Variants in BTD observed in about 807,000 individuals in gnomAD.
BTD encodes biotinidase.
Under a neutral mutation model 17.7 loss-of-function variants are expected in BTD, and 13 were observed. That is an observed-to-expected ratio of 0.74 (90% CI 0.48 to 1.17). BTD has a LOEUF of 1.17. Ranked by LOEUF, BTD falls within the 50% of genes most tolerant of loss-of-function variation. The pLI, the probability that BTD is intolerant of heterozygous loss-of-function variation, is 0.00. For synonymous variants in BTD, 240 were observed against 245.2 expected, an observed-to-expected ratio of 0.98 and a Z score of 0.20; for missense variants, 674 against 650.4, an observed-to-expected ratio of 1.04 and a Z score of -0.39.
exon 4 of BTD, chr3:15,711,184 A>T: frequency 6.3e-7 from 1 of 1,581,310 alleles, no homozygotes; most frequent in Non-Finnish European, 8.6e-7. Context: ...ATCTTTTCTT[A>T]AAGAAATAAA....
intron 3 of BTD, chr3:15,675,751 C>T: frequency 3.3e-6 from 2 of 597,126 alleles, no homozygotes; most frequent in Non-Finnish European, 5.4e-6. Flanking sequence ...TTCTTTTGCC[C>T]TTATTCCTTT....
chr3:15,644,209 C>G (rs2065622841), intron 3 of BTD, 107 bp from the exon 4 acceptor site: 3 of 1,158,736 alleles, frequency 2.6e-6, no homozygotes, highest in African/African-American at 1.5e-5. Flanking sequence ...ACCGTGTTAG[C>G]CAGGGTGGTC....
chr3:15,705,749 C>G (rs2071265740), intron 3 of BTD, among the ~76,000 whole-genome samples: 1 of 152,172 alleles, frequency 6.6e-6, no homozygotes, highest in Admixed American at 6.6e-5. Flanking sequence ...CTCCTGTAAT[C>G]CCAGCATTTT....
upstream of BTD, chr3:15,601,630 G>T (rs752352084): frequency 3.9e-6 from 6 of 1,556,400 alleles, no homozygotes; most frequent in African/African-American, 8.1e-5. Flanking sequence ...GTCTAAATTC[G>T]TCCACTTCCC....
rs186926635 is a variant in BTD at position 15,650,916 on chromosome 3, C to T, written c.*5428C>T. Among the ~76,000 whole-genome samples, 79 of 152,268 alleles carry T rather than the reference C, an allele frequency of 5.2e-4. 2 individuals are homozygous for T. Among genetic ancestry groups the T allele is most frequent in the Middle Eastern group, 6.8e-3 (2 of 294 alleles). ...TTCCGAGTAGCTGGGACTACAGGCA[C>T]GTGCCACCACGCCCAGCTAATTTTT... On this transcript the variant is annotated 3_prime_UTR_variant, in exon 4 of 4. Coordinates refer to ENST00000643237, the MANE Select transcript of BTD (RefSeq NM_001370658.1).
intron 3 of BTD, chr3:15,696,036 A>C (rs1435386042): frequency 3.5e-6 from 3 of 852,692 alleles, no homozygotes; most frequent in African/African-American, 1.7e-5. Flanking sequence ...TTAAAAAACA[A>C]AATGGAATTT....
At chr3:15,671,612 T>G (rs1277622344) in intron 3 of BTD, among the ~76,000 whole-genome samples, 1 of 145,198 alleles carries the variant, frequency 6.9e-6, no homozygotes, top group Non-Finnish European at 1.5e-5. Context: ...TGAGACAGAG[T>G]CTGCTCGGTC....
intron 1 of BTD, among the ~76,000 whole-genome samples, chr3:15,626,574 C>T (rs2065070147): frequency 1.3e-5 from 2 of 151,828 alleles, no homozygotes; most frequent in Admixed American, 6.6e-5. Context: ...GGCCTGGAGT[C>T]GAGACTAGCC....
At chr3:15,675,808 A>C (rs2066875377) in intron 3 of BTD, 24 of 1,125,710 alleles carry the variant, frequency 2.1e-5, no homozygotes, top group Non-Finnish European at 2.9e-5. Flanking sequence ...CTCTTTGACC[A>C]ATAAAAAATA....
chr3:15,678,227 C>T (rs1461780969), intron 3 of BTD: 1 of 1,610,202 alleles, frequency 6.2e-7, no homozygotes. Context: ...TTTGTTTGTC[C>T]ATTTTCTGCA....
At chr3:15,692,313 G>T (rs1429472238) in intron 3 of BTD, among the ~76,000 whole-genome samples, 2 of 152,152 alleles carry the variant, frequency 1.3e-5, no homozygotes, top group Non-Finnish European at 1.5e-5. Context: ...GTCGGGAATG[G>T]TGGTGTGCAC....
Position 15,653,226 on chromosome 3 carries a change from G to GT in BTD, c.*7741dup, listed in dbSNP as rs1367990269. On this transcript the variant is annotated 3_prime_UTR_variant, in exon 4 of 4. Coordinates refer to ENST00000643237, the MANE Select transcript of BTD (RefSeq NM_001370658.1). ...CTGGGAGTAGGGCCCATCAATCTGT[G>GT]TTTAACAAGTCCTCCAGGTGATTCC... Among the ~76,000 whole-genome samples, 5 of 152,236 alleles carry GT rather than the reference G, an allele frequency of 3.3e-5. No individual in the cohort carries two copies. Among genetic ancestry groups the GT allele is most frequent in the Admixed American group, 1.3e-4 (2 of 15,284 alleles).
At chr3:15,604,116 TGG>T (rs969651971) in intron 1 of BTD, among the ~76,000 whole-genome samples, 5 of 152,212 alleles carry the variant, frequency 3.3e-5, no homozygotes, top group Admixed American at 1.3e-4. Flanking sequence ...GGACTCTGTA[TGG>T]GGGCTCCCAC....
At chr3:15,644,263 G>A in intron 3 of BTD, 53 bp from the exon 4 acceptor site, 1 of 1,555,282 alleles carries the variant, frequency 6.4e-7, no homozygotes. Flanking sequence ...GCCTCCCACA[G>A]TGCTGGGATT....
chr3:15,607,390 A>G (rs941917318), intron 1 of BTD, among the ~76,000 whole-genome samples: 3 of 152,212 alleles, frequency 2.0e-5, no homozygotes, highest in African/African-American at 4.8e-5. Flanking sequence ...AAAAAGAGCA[A>G]ATTGGTGGTT....
intron 1 of BTD, among the ~76,000 whole-genome samples, chr3:15,624,172 A>G (rs531609039): frequency 6.6e-6 from 1 of 152,186 alleles, no homozygotes; most frequent in South Asian, 2.1e-4. Flanking sequence ...TAATTTGAAT[A>G]TGATTTGCCT....
downstream of BTD, among the ~76,000 whole-genome samples, chr3:15,654,177 G>A (rs948535907): frequency 3.9e-5 from 6 of 152,306 alleles, no homozygotes; most frequent in Admixed American, 3.9e-4. Context: ...GAACTAACAA[G>A]TTTAAAAATG....
chr3:15,603,518 A>C (rs1250911424), intron 1 of BTD, among the ~76,000 whole-genome samples: 1 of 152,044 alleles, frequency 6.6e-6, no homozygotes, highest in Non-Finnish European at 1.5e-5. Flanking sequence ...TTAGGCGGGC[A>C]TGGTGGCAGG....
chr3:15,606,955 T>TG (rs2064476115), intron 1 of BTD: 10 of 150,954 alleles, frequency 6.6e-5, no homozygotes, highest in Admixed American at 5.9e-4. Context: ...TTTTTGGTTT[T>TG]TTTTTTTTTT....
Sources: gnomAD v4.1 joint callset for allele counts (sites outside exome capture counted in the v4.1 genomes callset) on GRCh38, gnomAD v4.1.1 for gene constraint, MANE v1.5 for transcripts, NCBI Gene and HGNC (gene_info 2026-07-23, HGNC 2026-07-21) for gene names.